The following IFT140 variants were observed in gnomAD, a reference collection of about 807,000 sequenced individuals.
IFT140 encodes the protein intraflagellar transport 140.
In IFT140, 133 loss-of-function variants were observed where a neutral mutation model predicts 164.6. That is an observed-to-expected ratio of 0.81 (90% CI 0.70 to 0.93). IFT140 has a LOEUF of 0.93. Among genes scored for constraint, IFT140 ranks in the 40% least tolerant of loss-of-function variants. The pLI is 0.00. For missense variants in IFT140, 2,045 were observed against 1,972.3 expected (o/e 1.04, Z -0.70); for synonymous variants, 860 against 817.3 (o/e 1.05, Z -0.89).
chr16:1,513,821 C>A (rs1219023308), intron 30 of IFT140, among the ~76,000 whole-genome samples: 1 of 149,674 alleles, frequency 6.7e-6, no homozygotes, highest in Non-Finnish European at 1.5e-5. Context: ...CTACAGGCGC[C>A]CACCACCACA....
chr16:1,583,279 G>A (rs748452656), intron 12 of IFT140, 35 bp downstream of exon 12: 3 of 1,585,932 alleles, frequency 1.9e-6, no homozygotes, highest in African/African-American at 1.3e-5. Flanking sequence ...AAGCCAGGTA[G>A]TGGGAGTGCC....
intron 26 of IFT140, among the ~76,000 whole-genome samples, chr16:1,523,003 T>C (rs2040567340): frequency 1.3e-5 from 2 of 152,082 alleles, no homozygotes; most frequent in Admixed American, 1.3e-4. Flanking sequence ...GGAGGATTGC[T>C]TGAGCCCAGG....
chr16:1,607,186 A>G lies in IFT140; in HGVS notation c.81T>C (p.His27=), dbSNP rs768973925. 6.2e-7 allele frequency: 1 copy of G among 1,614,158 alleles called. No individual in the cohort carries two copies. The highest frequency in any genetic ancestry group is 1.1e-5 in the South Asian group (1 of 91,082). Residue 27 remains histidine (H), a synonymous_variant, in exon 3 of 31, where the codon CAT becomes CAC. Transcript: ENST00000426508. The part of the protein sequence containing the change: ...SPSFISWHPV[H]PFLAVAYIST... ...TGATGTAAGCAACTGCCAAGAATGGATGGACAGGGTGCCAGCTGATAAATG... is the reference window on the plus strand; with the variant it reads ...TGATGTAAGCAACTGCCAAGAATGGGTGGACAGGGTGCCAGCTGATAAATG...
At chr16:1,524,016 G>C in intron 24 of IFT140, 60 bp from the exon 25 acceptor site, 1 of 1,580,344 alleles carries the variant, frequency 6.3e-7, no homozygotes, top group Non-Finnish European at 8.6e-7. Flanking sequence ...GGTCCGCTGA[G>C]ATTCTGGAAT....
At chr16:1,514,110 T>A (rs1380578544) in intron 30 of IFT140, among the ~76,000 whole-genome samples, 4 of 151,134 alleles carry the variant, frequency 2.6e-5, no homozygotes, top group African/African-American at 4.9e-5. Flanking sequence ...ACCTCACGCC[T>A]GTAATCCCAG....
Position 1,587,958 on chromosome 16 carries a change from T to C in IFT140, c.877A>G (p.Met293Val). 1 of 1,613,248 alleles carries C rather than the reference T, an allele frequency of 6.2e-7. No homozygotes were observed. Among genetic ancestry groups the C allele is most frequent in the Non-Finnish European group, 8.5e-7 (1 of 1,179,590 alleles). Reference protein sequence around the residue: ...IALIEGSLLVMAVGEAALRFW... With the variant: ...IALIEGSLLVVAVGEAALRFW... ...CTGAGGGCAGCCTCCCCGACGGCCATCACGAGAAGGCTGCCTTCAATCAAA... is the reference window on the plus strand; with the variant it reads ...CTGAGGGCAGCCTCCCCGACGGCCACCACGAGAAGGCTGCCTTCAATCAAA... The change falls in exon 8 of 31, where the codon ATG becomes GTG. Residue 293 changes from methionine to valine, a missense_variant. Physicochemically the swap from Met to Val is conservative, Grantham distance 21. Coordinates refer to ENST00000426508, the MANE Select transcript of IFT140 (RefSeq NM_014714.4).
Position 1,523,853 on chromosome 16 carries a change from T to A in IFT140, c.3245A>T (p.Asp1082Val), listed in dbSNP as rs781204391. The A allele has an allele frequency of 5.6e-6, 9 of 1,613,406 alleles. No homozygotes were observed. The highest frequency in any genetic ancestry group is 7.6e-6 in the Non-Finnish European group (9 of 1,180,006). The change falls in exon 25 of 31, where the codon GAC (aspartate) becomes GTC (valine). Residue 1082 changes from aspartate to valine, a missense_variant. By Grantham distance (152) the Asp-to-Val change is radical. Transcript: ENST00000426508. ...CTTGTGGTACAGCATGACCGCCCTG[T>A]CCATCTGCACGCCCTTCTCCTCGTA... is the stretch of plus-strand genomic sequence containing the variant. ...RYYEEKGVQM[D>V]RAVMLYHKAG...
chr16:1,555,058 C>T (rs1447098714), intron 19 of IFT140: 2 of 1,583,480 alleles, frequency 1.3e-6, no homozygotes, highest in East Asian at 2.2e-5. Context: ...TCAACGCACA[C>T]CTGCTATCGT....
At chr16:1,544,773 C>T (rs868185203) in intron 19 of IFT140, among the ~76,000 whole-genome samples, 80 of 151,568 alleles carry the variant, frequency 5.3e-4, no homozygotes, top group African/African-American at 1.9e-3. Flanking sequence ...CTCAGCCTCC[C>T]GAGTAGCTGG....
chr16:1,593,817 A>G (rs1051783407), intron 4 of IFT140, among the ~76,000 whole-genome samples: 5 of 152,048 alleles, frequency 3.3e-5, no homozygotes, highest in Non-Finnish European at 5.9e-5. Context: ...GGGTCTCTCC[A>G]CTGTGAAGCA....
At chr16:1,598,662 G>A (rs1010593418) in intron 4 of IFT140, among the ~76,000 whole-genome samples, 1 of 152,246 alleles carries the variant, frequency 6.6e-6, no homozygotes, top group African/African-American at 2.4e-5. Context: ...ACTATGAGCC[G>A]GCCCAGGCCC....
At chr16:1,538,216 C>A (rs2031272847) in intron 19 of IFT140, among the ~76,000 whole-genome samples, 1 of 152,194 alleles carries the variant, frequency 6.6e-6, no homozygotes, top group African/African-American at 2.4e-5. Flanking sequence ...GAGCCATGCA[C>A]CCTGGGGACT....
Position 1,553,689 on chromosome 16 carries a change from G to A in IFT140, c.2399+4246C>T, listed in dbSNP as rs908134543. The A allele has an allele frequency of 9.4e-7, 1 of 1,066,486 alleles. No homozygotes were observed. Among genetic ancestry groups the A allele is most frequent in the African/African-American group, 1.7e-5 (1 of 60,524 alleles). 66.1% of individuals were successfully genotyped at this position (1,066,486 alleles called of 1,614,324 possible). A position where few individuals can be genotyped will look rare whatever the true frequency, so the allele number is the denominator to read the frequency against. ...AGAAGCGGGGCTGGGGCTGAAGGCT[G>A]GCTGGAGGCCCCATGGCCTCCAGGA... On this transcript the variant is annotated intron_variant, in intron 19 of 30. Transcript: ENST00000426508. This position sits in a 1 kb window ranked among gnomAD's most constrained non-coding sequence, Gnocchi z 4.4.
Position 1,524,922 on chromosome 16 carries a change from G to A in IFT140, c.2865-6C>T. The A allele has an allele frequency of 3.1e-6, 5 of 1,603,144 alleles. No individual in the cohort carries two copies. The highest frequency in any genetic ancestry group is 4.3e-6 in the Non-Finnish European group (5 of 1,176,288). On this transcript the variant is annotated splice_region_variant and splice_polypyrimidine_tract_variant and intron_variant, in intron 22 of 30. Transcript: ENST00000426508. ...CCCACCACCGCCACAGGGTCCTGCG[G>A]GCAGCCCAAGACCATGGATTCTCCA...
intron 19 of IFT140, chr16:1,555,207 G>A: frequency 1.3e-6 from 1 of 788,906 alleles, no homozygotes; most frequent in Non-Finnish European, 1.9e-6. Context: ...TCATATGTCT[G>A]TACGTGTCGT....
intron 4 of IFT140, among the ~76,000 whole-genome samples, chr16:1,593,455 G>A (rs377200732): frequency 6.6e-5 from 10 of 152,066 alleles, no homozygotes; most frequent in African/African-American, 2.4e-4. Flanking sequence ...GGGACGACAG[G>A]TGCATGCCAC....
At chr16:1,560,837 C>A (rs937120924) in intron 18 of IFT140, among the ~76,000 whole-genome samples, 1 of 152,252 alleles carries the variant, frequency 6.6e-6, no homozygotes, top group Non-Finnish European at 1.5e-5. Context: ...TCCGAGTCTA[C>A]AGGGTTTAGT....
At position 1,553,329 on chromosome 16, in the gene IFT140, T is replaced by A. The variant is rs938719962; in HGVS notation, c.2399+4606A>T. 2.0e-6 allele frequency: 2 copies of A among 985,374 alleles called. No homozygotes were observed. The highest frequency in any genetic ancestry group is 5.2e-4 in the Middle Eastern group (1 of 1,914). 61.0% of individuals were successfully genotyped at this position (985,374 alleles called of 1,614,324 possible). A position where few individuals can be genotyped will look rare whatever the true frequency, so the allele number is the denominator to read the frequency against. ...GTCTCTGTCTCTGTGTCTCTGTCCC[T>A]GTGTCTCTTTTTCTCCCATCCTCTC... On this transcript the variant is annotated intron_variant, in intron 19 of 30. Transcript: ENST00000426508. The surrounding 1 kb of genome is among the most constrained non-coding windows in gnomAD (Gnocchi z 4.4).
intron 4 of IFT140, among the ~76,000 whole-genome samples, chr16:1,596,899 A>G (rs949803980): frequency 1.7e-4 from 26 of 152,094 alleles, no homozygotes; most frequent in African/African-American, 6.0e-4. Context: ...CCATCTGTGA[A>G]TTCTGCGTTA....
Sources: gnomAD v4.1 joint callset for allele counts (sites outside exome capture counted in the v4.1 genomes callset) on GRCh38, gnomAD v4.1.1 for gene constraint, Gnocchi (gnomAD v3.1) non-coding constraint, MANE v1.5 for transcripts, NCBI Gene and HGNC (gene_info 2026-07-23, HGNC 2026-07-21) for gene names.